NEO1: variants seen among roughly 807,000 people sequenced by gnomAD.
The protein encoded by NEO1 is neogenin 1.
Under a neutral mutation model 159.7 loss-of-function variants are expected in NEO1, and 63 were observed. That is an observed-to-expected ratio of 0.39 (90% CI 0.32 to 0.49). The LOEUF (loss-of-function observed/expected upper bound fraction) is 0.49. Among genes scored for constraint, NEO1 ranks in the 20% least tolerant of loss-of-function variants. The pLI, the probability that NEO1 is intolerant of heterozygous loss-of-function variation, is 0.85. For missense variants in NEO1, 1,615 were observed against 1,831.0 expected (o/e 0.88, Z 2.15); for synonymous variants, 633 against 662.0 (o/e 0.96, Z 0.67).
At chr15:73,297,494 C>T (rs1313685666) in intron 26 of NEO1, among the ~76,000 whole-genome samples, 9 of 152,172 alleles carry the variant, frequency 5.9e-5, no homozygotes, top group Non-Finnish European at 1.5e-5. Flanking sequence ...ATGTGTTATT[C>T]TCCCTCTTTT....
Position 73,249,648 on chromosome 15 carries a change from C to T in NEO1, c.1821C>T (p.Phe607=). ...TGAAAAAATATACAGAGTATAGTTT[C>T]CGAGTGGTGGCCTACAATAAACATG... ...NGLKKYTEYS[F]RVVAYNKHGP... The change falls in exon 11 of 29, where the codon TTC becomes TTT. Residue 607 remains phenylalanine, a synonymous_variant. Transcript: ENST00000261908. 1.2e-6 allele frequency: 2 copies of T among 1,613,806 alleles called. No individual in the cohort carries two copies. Among genetic ancestry groups the T allele is most frequent in the Non-Finnish European group, 1.7e-6 (2 of 1,179,908 alleles).
intron 8 of NEO1, among the ~76,000 whole-genome samples, chr15:73,239,110 G>A (rs1450869165): frequency 2.0e-5 from 3 of 152,066 alleles, no homozygotes; most frequent in African/African-American, 4.8e-5. Flanking sequence ...CTCCCAAAGT[G>A]CTGGAATTAC....
In NEO1 at chr15:73,282,261, C is replaced by T. The variant is rs192348639; in HGVS notation, c.3263-703C>T. Reference sequence around the variant, plus strand: ...ACCCCTCATTTTCTTTTTTTCACACCGTTAGTTATTAACTAATAATTTCAT... The same window carrying T: ...ACCCCTCATTTTCTTTTTTTCACACTGTTAGTTATTAACTAATAATTTCAT... On this transcript the variant is annotated intron_variant, in intron 22 of 28. Transcript: ENST00000261908. Among the ~76,000 whole-genome samples the T allele has an allele frequency of 1.3e-4, 20 of 152,204 alleles. No individual in the cohort carries two copies. The East Asian group carries it at 3.5e-3, about 26-fold the overall frequency.
chr15:73,121,054 T>TA (rs55945409), intron 2 of NEO1, among the ~76,000 whole-genome samples: 45,975 of 151,938 alleles, frequency 0.3, 8,483 homozygotes, highest in Admixed American at 0.44. Context: ...CCTAAATACC[T>TA]ACGTGTATAT....
intron 1 of NEO1, among the ~76,000 whole-genome samples, chr15:73,103,604 A>G (rs748546458): frequency 6.6e-6 from 1 of 152,108 alleles, no homozygotes; most frequent in Non-Finnish European, 1.5e-5. Context: ...TGTGGCTGTG[A>G]TCATATCATT....
chr15:73,077,216 G>A (rs1027569356), intron 1 of NEO1, among the ~76,000 whole-genome samples: 1 of 152,100 alleles, frequency 6.6e-6, no homozygotes, highest in African/African-American at 2.4e-5. Flanking sequence ...GCTAATTTTT[G>A]TATTTCTAGT....
chr15:73,089,324 TG>T (rs978530551), intron 1 of NEO1, among the ~76,000 whole-genome samples: 5 of 152,168 alleles, frequency 3.3e-5, no homozygotes, highest in Non-Finnish European at 5.9e-5. Flanking sequence ...TGTATGTACC[TG>T]ATAAAGTATT....
Position 73,140,847 on chromosome 15 carries a change from T to G in NEO1, c.1015+4820T>G, listed in dbSNP as rs183618217. On this transcript the variant is annotated intron_variant, in intron 5 of 28. Transcript: ENST00000261908. ...AAGCCAGACACAAAAGAATACCTAC[T>G]ATATATATGTAATTACATTGTTATA... Among the ~76,000 whole-genome samples, 24 of 152,312 alleles carry G rather than the reference T, an allele frequency of 1.6e-4. No homozygotes were observed. The East Asian group carries it at 4.0e-3, about 26-fold the overall frequency.
intron 3 of NEO1, among the ~76,000 whole-genome samples, chr15:73,124,981 T>C (rs1399395720): frequency 6.6e-6 from 1 of 152,218 alleles, no homozygotes; most frequent in Non-Finnish European, 1.5e-5. Flanking sequence ...ACCAATATTA[T>C]TCAGTCTGCT....
chr15:73,198,871 A>G (rs1358810323), intron 7 of NEO1, among the ~76,000 whole-genome samples: 1 of 151,920 alleles, frequency 6.6e-6, no homozygotes, highest in Non-Finnish European at 1.5e-5. Flanking sequence ...TATGAAGATA[A>G]TACAGATAGT....
chr15:73,113,434 A>G (rs926173400), intron 1 of NEO1, among the ~76,000 whole-genome samples: 1 of 152,154 alleles, frequency 6.6e-6, no homozygotes, highest in African/African-American at 2.4e-5. Context: ...ACAAAGATAG[A>G]TCATAAGCCT....
Position 73,052,727 on chromosome 15 carries a change from C to T in NEO1, c.52C>T (p.Leu18Phe). 2 of 1,344,562 alleles carry T rather than the reference C, an allele frequency of 1.5e-6. No homozygotes were observed. Among genetic ancestry groups the T allele is most frequent in the Non-Finnish European group, 9.6e-7 (1 of 1,040,638 alleles). 83.3% of individuals were successfully genotyped at this position (1,344,562 alleles called of 1,614,324 possible). ...ACTCCTCAGCACCCCCTCCTTCTGG[C>T]TCTACTGCCTGCTGCTGCTCGGGCG... is the stretch of plus-strand genomic sequence containing the variant. ...RRLLSTPSFW[L>F]YCLLLLGRRA... Residue 18 changes from leucine to phenylalanine, a missense_variant, in exon 1 of 29, where the codon CTC (leucine) becomes TTC (phenylalanine). By Grantham distance (22) the Leu-to-Phe change is conservative. This residue lies in a region of NEO1 where 1,018 missense variants were observed against 1,115.4 expected (regional missense o/e 0.91). Coordinates refer to ENST00000261908, the MANE Select transcript of NEO1 (RefSeq NM_002499.4).
intron 7 of NEO1, among the ~76,000 whole-genome samples, chr15:73,231,255 A>AT (rs2038892844): frequency 6.6e-6 from 1 of 152,140 alleles, no homozygotes; most frequent in Admixed American, 6.5e-5. Flanking sequence ...GCAGATACAG[A>AT]TTTTTTTCAG....
chr15:73,226,594 T>C (rs1032954314), intron 7 of NEO1, among the ~76,000 whole-genome samples: 2 of 152,246 alleles, frequency 1.3e-5, no homozygotes, highest in African/African-American at 4.8e-5. Context: ...TTTTACGGTA[T>C]ATGTGTTAAC....
intron 1 of NEO1, among the ~76,000 whole-genome samples, chr15:73,108,224 T>C (rs186148461): frequency 6.6e-6 from 1 of 152,326 alleles, no homozygotes; most frequent in Non-Finnish European, 1.5e-5. Flanking sequence ...TGAGAATTGT[T>C]TTGGAGAATT....
intron 7 of NEO1, among the ~76,000 whole-genome samples, chr15:73,223,482 G>A (rs974927354): frequency 1.3e-5 from 2 of 152,106 alleles, no homozygotes; most frequent in African/African-American, 2.4e-5. Flanking sequence ...GTGCATATAT[G>A]TTTAGGATTG....
At chr15:73,286,588 C>G (rs1298353400) in intron 23 of NEO1, among the ~76,000 whole-genome samples, 1 of 152,214 alleles carries the variant, frequency 6.6e-6, no homozygotes, top group Non-Finnish European at 1.5e-5. Flanking sequence ...CTCTGAGTAT[C>G]AGACTTGCAC....
intron 26 of NEO1, among the ~76,000 whole-genome samples, chr15:73,296,048 G>A (rs949265336): frequency 1.8e-4 from 28 of 152,206 alleles, no homozygotes; most frequent in African/African-American, 6.8e-4. Context: ...CCCCGGAGTT[G>A]TGCAAGGCAG....
At chr15:73,199,792 A>G (rs1271017866) in intron 7 of NEO1, among the ~76,000 whole-genome samples, 1 of 152,178 alleles carries the variant, frequency 6.6e-6, no homozygotes, top group African/African-American at 2.4e-5. Flanking sequence ...CACACTCTGT[A>G]AGAGTCTAAG....
Sources: allele counts gnomAD v4.1 joint callset (sites outside exome capture counted in the v4.1 genomes callset), GRCh38; gene constraint gnomAD v4.1.1; regional missense constraint gnomAD v4.1.1; transcripts MANE v1.5; gene names NCBI Gene and HGNC (gene_info 2026-07-23, HGNC 2026-07-21).